The following BICC1 variants were observed in gnomAD, a reference collection of about 807,000 sequenced individuals.
BICC1 encodes protein bicaudal C homolog 1.
Under a neutral mutation model 111.0 loss-of-function variants are expected in BICC1, and 43 were observed. The observed-to-expected ratio is 0.39, with a 90% CI of 0.30 to 0.50. The LOEUF is 0.50. BICC1 is among the 20% of genes least tolerant of loss of function. The pLI is 0.88. For missense variants in BICC1, 1,091 were observed against 1,203.2 expected, an observed-to-expected ratio of 0.91 and a Z score of 1.38; for synonymous variants, 467 against 434.4, an observed-to-expected ratio of 1.07 and a Z score of -0.93.
intron 20 of BICC1, among the ~76,000 whole-genome samples, chr10:58,821,321 G>A (rs76220952): frequency 1.7e-3 from 266 of 152,198 alleles, no homozygotes; most frequent in African/African-American, 6.0e-3. Flanking sequence ...CATGTGCTGC[G>A]GAAAAATGAA....
chr10:58,654,019 T>G (rs1000951456), intron 2 of BICC1, among the ~76,000 whole-genome samples: 2 of 151,144 alleles, frequency 1.3e-5, no homozygotes, highest in African/African-American at 4.9e-5. Flanking sequence ...ACTCATCATT[T>G]TTTATGGCTG....
intron 3 of BICC1, among the ~76,000 whole-genome samples, chr10:58,771,091 T>C (rs992540716): frequency 2.0e-5 from 3 of 152,130 alleles, no homozygotes; most frequent in Non-Finnish European, 4.4e-5. Flanking sequence ...ATGCTAGAGA[T>C]TGAGGATTCA....
At chr10:58,539,539 A>AG (rs1842907618) in intron 1 of BICC1, among the ~76,000 whole-genome samples, 1 of 151,630 alleles carries the variant, frequency 6.6e-6, no homozygotes, top group Non-Finnish European at 1.5e-5. Context: ...ACTGAAATAA[A>AG]AAAAAATTTT....
chr10:58,792,513 T>C (rs537524429), intron 8 of BICC1, among the ~76,000 whole-genome samples: 1 of 152,234 alleles, frequency 6.6e-6, no homozygotes, highest in East Asian at 1.9e-4. Flanking sequence ...AACAGAGGCT[T>C]CCCATCACTC....
intron 2 of BICC1, among the ~76,000 whole-genome samples, chr10:58,622,968 T>C (rs1845870469): frequency 6.6e-6 from 1 of 152,210 alleles, no homozygotes; most frequent in Non-Finnish European, 1.5e-5. Flanking sequence ...TCTTAGTTTT[T>C]ACTTTGAGGT....
At chr10:58,818,998 A>G (rs1231796264) in intron 19 of BICC1, among the ~76,000 whole-genome samples, 2 of 152,192 alleles carry the variant, frequency 1.3e-5, no homozygotes, top group African/African-American at 2.4e-5. Context: ...ACATGAAAGT[A>G]TAAAGCCAGA....
chr10:58,548,364 C>G (rs1012858410), intron 1 of BICC1, among the ~76,000 whole-genome samples: 5 of 152,182 alleles, frequency 3.3e-5, no homozygotes, highest in African/African-American at 9.7e-5. Flanking sequence ...TTTAGTCTTA[C>G]CTACTCCACT....
At chr10:58,566,254 A>C (rs991102237) in intron 1 of BICC1, among the ~76,000 whole-genome samples, 1 of 143,992 alleles carries the variant, frequency 6.9e-6, no homozygotes, top group African/African-American at 2.5e-5. Context: ...ACGTGCATAT[A>C]CATACGTGCA....
At chr10:58,778,577 T>A (rs1202568952) in intron 3 of BICC1, among the ~76,000 whole-genome samples, 1 of 152,200 alleles carries the variant, frequency 6.6e-6, no homozygotes, top group Non-Finnish European at 1.5e-5. Context: ...TTCATCCACA[T>A]CGTCTTCACA....
At chr10:58,641,456 C>CT (rs533452424) in intron 2 of BICC1, among the ~76,000 whole-genome samples, 3 of 150,440 alleles carry the variant, frequency 2.0e-5, no homozygotes, top group Admixed American at 2.0e-4. Context: ...AGGTTGACTT[C>CT]TTTTTTTTCT....
intron 5 of BICC1, 45 bp from the exon 6 acceptor site, chr10:58,788,325 G>A (rs768228261): frequency 2.8e-6 from 4 of 1,429,156 alleles, no homozygotes; most frequent in South Asian, 1.2e-5. Flanking sequence ...AGAGATGTGA[G>A]TTTGATTAAA....
intron 1 of BICC1, among the ~76,000 whole-genome samples, chr10:58,529,173 C>A (rs1658483): frequency 6.6e-6 from 1 of 151,576 alleles, no homozygotes; most frequent in Admixed American, 6.6e-5. Flanking sequence ...AGATTTTATG[C>A]GTCTTCAAGT....
At chr10:58,623,084 T>C (rs1845876081) in intron 2 of BICC1, among the ~76,000 whole-genome samples, 1 of 152,194 alleles carries the variant, frequency 6.6e-6, no homozygotes, top group South Asian at 2.1e-4. Flanking sequence ...TGCCTCTCCC[T>C]ATGTAGAGAT....
At position 58,807,275 on chromosome 10, in the gene BICC1, T is replaced by C. The variant is rs561964273; in HGVS notation, c.2376+117T>C. ...AGGGAAAATGATTAGTGGTGACTTGTTTTTATTTCTATTCTTGTAAACACA... is the reference window on the plus strand; with the variant it reads ...AGGGAAAATGATTAGTGGTGACTTGCTTTTATTTCTATTCTTGTAAACACA... On this transcript the variant is annotated intron_variant, in intron 17 of 20. Coordinates refer to ENST00000373886, the MANE Select transcript of BICC1 (RefSeq NM_001080512.3). 87 of 915,012 alleles carry C rather than the reference T, an allele frequency of 9.5e-5. 2 individuals are homozygous for C. The South Asian group carries it at 1.8e-3, about 19-fold the overall frequency. The allele number at this position is 915,012 out of a possible 1,614,324, so 56.7% of individuals were successfully genotyped here.
chr10:58,592,597 C>T lies in BICC1; in HGVS notation c.191-28258C>T, dbSNP rs1434377261. Among the ~76,000 whole-genome samples the T allele has an allele frequency of 2.6e-5, 4 of 151,854 alleles. No homozygotes were observed. In the South Asian group the frequency reaches 6.2e-4, roughly 24 times the overall value. Reference sequence around the variant, plus strand: ...GTGGTTGGTGGCGGGTGCCTGTAGTCCCAGCTACTTGGGAGGCTGAGGCAG... The same window carrying T: ...GTGGTTGGTGGCGGGTGCCTGTAGTTCCAGCTACTTGGGAGGCTGAGGCAG... On this transcript the variant is annotated intron_variant, in intron 1 of 20. Transcript: ENST00000373886.
intron 17 of BICC1, among the ~76,000 whole-genome samples, chr10:58,809,460 A>G (rs1000739230): frequency 1.3e-5 from 2 of 151,804 alleles, no homozygotes; most frequent in African/African-American, 4.8e-5. Flanking sequence ...GGCTGGTCTC[A>G]AACTGCTGGG....
At chr10:58,724,862 A>T (rs1187497274) in intron 3 of BICC1, among the ~76,000 whole-genome samples, 1 of 152,166 alleles carries the variant, frequency 6.6e-6, no homozygotes, top group Non-Finnish European at 1.5e-5. Flanking sequence ...ATCATGGTGG[A>T]GTCTGGGTAA....
At chr10:58,770,766 ACT>A (rs1333883117) in intron 3 of BICC1, among the ~76,000 whole-genome samples, 1 of 152,158 alleles carries the variant, frequency 6.6e-6, no homozygotes, top group Non-Finnish European at 1.5e-5. Flanking sequence ...GTTAAAAGTC[ACT>A]CTGCACCAGC....
At chr10:58,562,409 T>A (rs1301608382) in intron 1 of BICC1, among the ~76,000 whole-genome samples, 1 of 152,054 alleles carries the variant, frequency 6.6e-6, no homozygotes, top group African/African-American at 2.4e-5. Flanking sequence ...TTGTTGAAGC[T>A]CTTAATTTTG....
Sources: gnomAD v4.1 joint callset for allele counts (sites outside exome capture counted in the v4.1 genomes callset) on GRCh38, gnomAD v4.1.1 for gene constraint, MANE v1.5 for transcripts, NCBI Gene and HGNC (gene_info 2026-07-23, HGNC 2026-07-21) for gene names.